Variants in GPR84 observed in about 807,000 individuals in gnomAD.
The protein encoded by GPR84 is G protein-coupled receptor 84, also known as G-protein coupled receptor 84.
GPR84 carries 8 observed loss-of-function variants against 14.9 expected under a neutral mutation model. That is an observed-to-expected ratio of 0.54 (90% CI 0.31 to 0.97). The LOEUF (loss-of-function observed/expected upper bound fraction) is 0.97. Ranked by LOEUF, GPR84 falls within the 50% of genes least tolerant of loss-of-function variation. The pLI, the probability that GPR84 is intolerant of heterozygous loss-of-function variation, is 0.04. For synonymous variants in GPR84, 164 were observed against 198.1 expected (o/e 0.83, Z 1.45); for missense variants, 424 against 498.7 (o/e 0.85, Z 1.43).
the GPR84 span, among the ~76,000 whole-genome samples, chr12:54,354,116 CTTTT>C: frequency 4.2e-5 from 6 of 141,460 alleles, no homozygotes; most frequent in South Asian, 2.2e-4. Flanking sequence ...TTTCTCTTTT[CTTTT>C]TTTTTTTTTT....
the GPR84 span, among the ~76,000 whole-genome samples, chr12:54,354,842 G>A: frequency 0.14 from 21,739 of 151,714 alleles, 1,726 homozygotes; most frequent in East Asian, 0.22. Flanking sequence ...CTGCCCTTCC[G>A]TGCCATATCA....
intron 1 of GPR84, 83 bp from the exon 2 acceptor site, chr12:54,363,942 G>A (rs1438727274): frequency 1.1e-6 from 1 of 893,936 alleles, no homozygotes; most frequent in Non-Finnish European, 1.7e-6. Context: ...CTGGGACCCT[G>A]GACATCTAAA....
At chr12:54,353,031 G>T in the GPR84 span, among the ~76,000 whole-genome samples, 1 of 152,226 alleles carries the variant, frequency 6.6e-6, no homozygotes, top group Non-Finnish European at 1.5e-5. Context: ...ATCTGTGATG[G>T]TGTGGAGTTC....
downstream of GPR84, among the ~76,000 whole-genome samples, chr12:54,360,442 A>G (rs1954257356): frequency 6.6e-6 from 1 of 152,190 alleles, no homozygotes; most frequent in African/African-American, 2.4e-5. Flanking sequence ...CCGAGAGCTA[A>G]CTATGAGAGA....
chr12:54,352,676 G>T, the GPR84 span, among the ~76,000 whole-genome samples: 1 of 152,234 alleles, frequency 6.6e-6, no homozygotes, highest in East Asian at 1.9e-4. Flanking sequence ...TAGCAGGAAT[G>T]GGGAGAGTCT....
In GPR84 at chr12:54,362,595, C is replaced by T; in HGVS notation, c.*66G>A. ...CCACATGTGTTATTTCACCTATTCT[C>T]CTATTACCTGGCCACTTTGGTCCTG... is the stretch of plus-strand genomic sequence containing the variant. On this transcript the variant is annotated 3_prime_UTR_variant, in exon 2 of 2. Transcript: ENST00000267015. This position sits in a 1 kb window ranked among gnomAD's most constrained non-coding sequence, Gnocchi z 4.0. 1 of 983,498 alleles carries T rather than the reference C, an allele frequency of 1.0e-6. No individual in the cohort carries two copies. The allele number at this position is 983,498 out of a possible 1,614,324, so 60.9% of individuals were successfully genotyped here.
At chr12:54,355,327 AGTGTGTGTGTGT>A in the GPR84 span, among the ~76,000 whole-genome samples, 20 of 146,940 alleles carry the variant, frequency 1.4e-4, no homozygotes, top group African/African-American at 4.7e-4. Flanking sequence ...TGTGTGTGTG[AGTGTGTGTGTGT>A]GTGTGTGTGT....
At chr12:54,352,137 G>A in the GPR84 span, among the ~76,000 whole-genome samples, 1 of 152,068 alleles carries the variant, frequency 6.6e-6, no homozygotes, top group Admixed American at 6.6e-5. Context: ...GCCTGCTCCC[G>A]CCTCAGCCAT....
downstream of GPR84, among the ~76,000 whole-genome samples, chr12:54,361,365 T>A (rs1206186879): frequency 6.6e-6 from 1 of 151,550 alleles, no homozygotes; most frequent in Non-Finnish European, 1.5e-5. This position sits in a 1 kb window ranked among gnomAD's most constrained non-coding sequence, Gnocchi z 4.3. Flanking sequence ...TATTTTATTT[T>A]ATTTATTTAT....
downstream of GPR84, among the ~76,000 whole-genome samples, chr12:54,359,867 C>A (rs1021927593): frequency 2.0e-5 from 3 of 151,644 alleles, no homozygotes; most frequent in Non-Finnish European, 4.4e-5. Context: ...CGGGTGGCTG[C>A]TTTTTTGCTA....
Position 54,363,798 on chromosome 12 carries a change from G to C in GPR84, c.54C>G (p.Gly18=), listed in dbSNP as rs1207959533. The C allele has an allele frequency of 1.2e-6, 2 of 1,611,466 alleles. No individual in the cohort carries two copies. Among genetic ancestry groups the C allele is most frequent in the Admixed American group, 3.3e-5 (2 of 59,922 alleles). The change falls in exon 2 of 2, where the codon GGC becomes GGG. Residue 18 remains glycine (G), a synonymous_variant. Coordinates refer to ENST00000267015, the MANE Select transcript of GPR84 (RefSeq NM_020370.3). The part of the protein sequence containing the change: ...NFSCYHESVL[G]YRYVAVSWGV... The stretch of plus-strand genomic sequence containing the variant: ...CCCAGCTAACTGCAACATAACGATA[G>C]CCCAGCACAGACTCATGGTAGCAGG...
intron 1 of GPR84, 118 bp from the exon 2 acceptor site, chr12:54,363,977 C>G (rs1156763877): frequency 1.6e-6 from 1 of 638,280 alleles, no homozygotes; most frequent in East Asian, 2.7e-5. Context: ...CACCTTAATT[C>G]AGTATCCTCC....
the GPR84 span, among the ~76,000 whole-genome samples, chr12:54,352,865 T>C: frequency 9.9e-5 from 15 of 152,172 alleles, no homozygotes; most frequent in African/African-American, 3.6e-4. Context: ...AAAGTTGGAG[T>C]GCAAGAGTTT....
the GPR84 span, chr12:54,351,164 C>T: frequency 5.3e-4 from 82 of 153,770 alleles, no homozygotes; most frequent in African/African-American, 1.7e-3. Context: ...ATATAAAATG[C>T]ATTCTGTACC....
chr12:54,360,825 G>A (rs1359913429), downstream of GPR84, among the ~76,000 whole-genome samples: 2 of 152,164 alleles, frequency 1.3e-5, no homozygotes, highest in African/African-American at 2.4e-5. Flanking sequence ...TGCCCACACC[G>A]CTACTTCCCC....
chr12:54,359,942 T>TCC (rs148085822), downstream of GPR84, among the ~76,000 whole-genome samples: 15 of 151,204 alleles, frequency 9.9e-5, no homozygotes, highest in African/African-American at 3.7e-4. Flanking sequence ...TTTTTTTTTT[T>TCC]CCCCCCAGCG....
rs1954289242 is a variant in GPR84, at chr12:54,363,146, C to A, written c.706G>T (p.Gly236Cys). ...CTGCTGTCCAGCTCCTGGAAACGAC[C>A]AGGCATGGCCTCATCAGTCCTGGCC... is the stretch of plus-strand genomic sequence containing the variant. Reference protein sequence around the residue: ...HVARTDEAMPGRFQELDSRLA... With the variant: ...HVARTDEAMPCRFQELDSRLA... The change falls in exon 2 of 2, where the codon GGT (glycine) becomes TGT (cysteine). Residue 236 changes from glycine to cysteine, a missense_variant. Coordinates refer to ENST00000267015, the MANE Select transcript of GPR84 (RefSeq NM_020370.3). The A allele has an allele frequency of 6.2e-7, 1 of 1,614,082 alleles. No homozygotes were observed. The highest frequency in any genetic ancestry group is 8.5e-7 in the Non-Finnish European group (1 of 1,180,038).
chr12:54,360,028 G>A (rs1327754171), downstream of GPR84, among the ~76,000 whole-genome samples: 1 of 151,754 alleles, frequency 6.6e-6, no homozygotes, highest in Non-Finnish European at 1.5e-5. Flanking sequence ...ACACCGTTGT[G>A]ATTTGCCTTC....
At chr12:54,355,307 C>T in the GPR84 span, among the ~76,000 whole-genome samples, 1 of 146,656 alleles carries the variant, frequency 6.8e-6, no homozygotes, top group Non-Finnish European at 1.5e-5. Flanking sequence ...CTCCCTCATG[C>T]CATAAGTCCT....
Sources: gnomAD v4.1 joint callset for allele counts (sites outside exome capture counted in the v4.1 genomes callset) on GRCh38, gnomAD v4.1.1 for gene constraint, Gnocchi (gnomAD v3.1) non-coding constraint, MANE v1.5 for transcripts, NCBI Gene and HGNC (gene_info 2026-07-23, HGNC 2026-07-21) for gene names.